Variants in USHBP1 observed in about 807,000 individuals in gnomAD.
USHBP1 encodes USH1 protein network component harmonin binding protein 1, also known as harmonin-binding protein USHBP1.
A neutral mutation model predicts 76.2 loss-of-function variants in USHBP1; 67 were observed. The observed-to-expected ratio is 0.88, with a 90% confidence interval of 0.72 to 1.08. USHBP1 has a LOEUF of 1.08. Ranked by LOEUF, USHBP1 falls within the 50% of genes least tolerant of loss-of-function variation. The pLI, the probability that USHBP1 is intolerant of heterozygous loss-of-function variation, is 0.00. For missense variants in USHBP1, 931 were observed against 915.0 expected (o/e 1.02, Z -0.23); for synonymous variants, 322 against 362.2 (o/e 0.89, Z 1.26).
At chr19:17,252,077 A>G (rs998051272) in intron 10 of USHBP1, 60 bp from the exon 11 acceptor site, 3 of 1,487,054 alleles carry the variant, frequency 2.0e-6, no homozygotes, top group Non-Finnish European at 2.7e-6. Context: ...TGCTTGGCCC[A>G]CACTGGACAT....
intron 5 of USHBP1, 48 bp downstream of exon 5, chr19:17,259,849 T>C (rs917955888): frequency 1.3e-6 from 2 of 1,594,410 alleles, no homozygotes; most frequent in Admixed American, 1.7e-5. Context: ...CTCATTCCCC[T>C]GAAGGCTAAG....
chr19:17,257,284 G>A (rs2073631853), intron 8 of USHBP1, among the ~76,000 whole-genome samples: 1 of 146,950 alleles, frequency 6.8e-6, no homozygotes, highest in African/African-American at 2.5e-5. Context: ...GCCCACCTCG[G>A]CCTCCCAAAG....
At chr19:17,259,874 G>A (rs1390308493) in intron 5 of USHBP1, 23 bp downstream of exon 5, 1 of 1,606,904 alleles carries the variant, frequency 6.2e-7, no homozygotes, top group African/African-American at 1.3e-5. Flanking sequence ...TCAAGACCAT[G>A]GGATTGAACT....
At position 17,255,595 on chromosome 19, in the gene USHBP1, C is replaced by T. The variant is rs370247799; in HGVS notation, c.1482G>A (p.Ala494=). The part of the protein sequence containing the change: ...QDLVAAREAL[A]DLMLRLQLVR... ...CCAGCTGCAGCCGAAGCATCAGGTC[C>T]GCCAGGGCCTCCTGTGGGACCAAGG... The change falls in exon 10 of 13, where the codon GCG becomes GCA. Residue 494 remains alanine (A), a synonymous_variant. Coordinates refer to ENST00000252597, the MANE Select transcript of USHBP1 (RefSeq NM_031941.4). 2.2e-4 allele frequency: 347 copies of T among 1,610,648 alleles called. No homozygotes were observed. Among genetic ancestry groups the T allele is most frequent in the Non-Finnish European group, 2.6e-4 (309 of 1,178,226 alleles).
chr19:17,257,265 T>C, intron 8 of USHBP1, among the ~76,000 whole-genome samples: 1 of 147,320 alleles, frequency 6.8e-6, no homozygotes, highest in African/African-American at 2.5e-5. Flanking sequence ...TCTCCTGACC[T>C]TGTGATCTGC....
intron 9 of USHBP1, 29 bp from the exon 10 acceptor site, chr19:17,255,635 T>A (rs748404538): frequency 6.3e-7 from 1 of 1,575,874 alleles, no homozygotes; most frequent in South Asian, 1.1e-5. Flanking sequence ...GGGAGAGAAT[T>A]TATGCTTCTA....
At position 17,262,771 on chromosome 19, in the gene USHBP1, G is replaced by C. The variant is rs768598730; in HGVS notation, c.423C>G (p.Pro141=). 8 of 1,614,130 alleles carry C rather than the reference G, an allele frequency of 5.0e-6. No individual in the cohort carries two copies. Among genetic ancestry groups the C allele is most frequent in the South Asian group, 2.2e-5 (2 of 91,086 alleles). The change falls in exon 4 of 13, where the codon CCC becomes CCG. Residue 141 remains proline, a synonymous_variant. Transcript: ENST00000252597. The stretch of plus-strand genomic sequence containing the variant: ...CGAACTCCATCGGCCCAGAATGGCT[G>C]GGGGGCTGGTGGCGCCAGGCTGCAG... ...AAAAAWRHQP[P]SHSGPMEFEG... is the part of the protein sequence containing the mutation.
At chr19:17,258,424 C>A in intron 7 of USHBP1, 39 bp from the exon 8 acceptor site, 1 of 1,590,672 alleles carries the variant, frequency 6.3e-7, no homozygotes, top group Non-Finnish European at 8.6e-7. Context: ...GGACACTCAG[C>A]TCGGCTGGGT....
Position 17,251,682 on chromosome 19 carries a change from G to A in USHBP1, c.1822C>T (p.Leu608=). Residue 608 remains leucine, a synonymous_variant, in exon 12 of 13, where the codon CTG becomes TTG. Coordinates refer to ENST00000252597, the MANE Select transcript of USHBP1 (RefSeq NM_031941.4). ...TCCAGCTCCCTGCGCAGAGACTGCAGCTGCTCCTGCAGGTCCAGTGTCCTG... is the reference window on the plus strand; with the variant it reads ...TCCAGCTCCCTGCGCAGAGACTGCAACTGCTCCTGCAGGTCCAGTGTCCTG... ...LTRTLDLQEQ[L]QSLRRELEQV... 2 of 1,613,604 alleles carry A rather than the reference G, an allele frequency of 1.2e-6. No homozygotes were observed. The highest frequency in any genetic ancestry group is 1.7e-6 in the Non-Finnish European group (2 of 1,180,012).
chr19:17,255,351 T>C (rs1330853828), intron 10 of USHBP1, 34 bp downstream of exon 10: 3 of 1,590,970 alleles, frequency 1.9e-6, no homozygotes, highest in Middle Eastern at 1.7e-4. Context: ...ATTAGTAAGC[T>C]ACTCCCCTAC....
Position 17,264,250 on chromosome 19 carries a change from G to A in USHBP1, c.50C>T (p.Pro17Leu), listed in dbSNP as rs753742151. The change falls in exon 2 of 13, where the codon CCA (proline) becomes CTA (leucine). Residue 17 changes from proline to leucine, a missense_variant. Transcript: ENST00000252597. ...AGGGGAGAGGGTGACACTTACGGGT[G>A]GAGCATGCCTCCCTCGCCGGCTTCG... ...RPRSRRGRHA[P>L]PGELDPVAES... 4.3e-6 allele frequency: 7 copies of A among 1,613,808 alleles called. No individual in the cohort carries two copies. In the South Asian group the frequency reaches 5.5e-5, roughly 13 times the overall value.
Position 17,259,992 on chromosome 19 carries a change from G to A in USHBP1, c.673C>T (p.Leu225=). The A allele has an allele frequency of 6.2e-7, 1 of 1,613,890 alleles. No individual in the cohort carries two copies. The highest frequency in any genetic ancestry group is 1.1e-5 in the South Asian group (1 of 91,080). The change falls in exon 5 of 13, where the codon CTG becomes TTG. Residue 225 remains leucine (L), a synonymous_variant. Transcript: ENST00000252597. ...VQELQDSLLR[L]EPCPHLSHNQ... ...TGGGAAAGATGTGGGCAGGGCTCCA[G>A]CCTCAAGAGGGAATCCTGCAGCTCT...
At chr19:17,258,827 T>G (rs1010223711) in intron 7 of USHBP1, 1 of 246,212 alleles carries the variant, frequency 4.1e-6, no homozygotes, top group African/African-American at 2.3e-5. Flanking sequence ...CCCTCAGCTC[T>G]GGAAGCATGC....
In USHBP1 at chr19:17,251,897, A is replaced by T. The variant is rs760684536; in HGVS notation, c.1799+14T>A. On this transcript the variant is annotated intron_variant, in intron 11 of 12. Coordinates refer to ENST00000252597, the MANE Select transcript of USHBP1 (RefSeq NM_031941.4). ...CTGCCCACCCCCCGCACAGCCCAGG[A>T]CCCAGGCACACACCTGGTGAGCGAT... 1.3e-6 allele frequency: 2 copies of T among 1,535,332 alleles called. No individual in the cohort carries two copies. The highest frequency in any genetic ancestry group is 4.0e-5 in the Admixed American group (2 of 50,458).
At chr19:17,259,466 C>G (rs746859238) in intron 6 of USHBP1, 37 bp from the exon 7 acceptor site, 55 of 1,611,576 alleles carry the variant, frequency 3.4e-5, no homozygotes, top group Non-Finnish European at 4.2e-5. Flanking sequence ...AAGTCAGAGG[C>G]CTTCTAAGGC....
intron 4 of USHBP1, among the ~76,000 whole-genome samples, chr19:17,261,337 C>CTTTTT (rs34111538): frequency 2.4e-5 from 3 of 123,928 alleles, no homozygotes; most frequent in East Asian, 2.3e-4. Context: ...TTCTTTCTTT[C>CTTTTT]TTTTTTTTTT....
At chr19:17,250,500 G>A (rs2073537260) in intron 12 of USHBP1, 86 bp from the exon 13 acceptor site, 3 of 1,466,472 alleles carry the variant, frequency 2.0e-6, no homozygotes, top group Non-Finnish European at 2.8e-6. Flanking sequence ...CAGAATGGGG[G>A]CTCTTTCACA....
chr19:17,258,320 T>C lies in USHBP1; in HGVS notation c.1112A>G (p.Asp371Gly). The C allele has an allele frequency of 6.2e-7, 1 of 1,614,004 alleles. No individual in the cohort carries two copies. The highest frequency in any genetic ancestry group is 8.5e-7 in the Non-Finnish European group (1 of 1,180,008). Residue 371 changes from aspartate (D) to glycine (G), a missense_variant, in exon 8 of 13, where the codon GAC (aspartate) becomes GGC (glycine). Asp to Gly is a moderately conservative substitution (Grantham distance 94). Coordinates refer to ENST00000252597, the MANE Select transcript of USHBP1 (RefSeq NM_031941.4). The stretch of plus-strand genomic sequence containing the variant: ...TTGCAGGTCACTCATGGGGGCTTCG[T>C]CTCCTGCTCCTGAGTCGGCCTCCCG... Reference protein sequence around the residue: ...ALREADSGAGDEAPMSDLQAA... With the variant: ...ALREADSGAGGEAPMSDLQAA...
chr19:17,262,684 C>CGAG lies in USHBP1; in HGVS notation c.509_510insCTC (p.Gln170delinsHisSer). 6.2e-7 allele frequency: 1 copy of CGAG among 1,614,162 alleles called. No individual in the cohort carries two copies. ...TCTCGGCCAGGCGAGCTGCCTCTCGCTGGCAGCTCCCTGCCCCTTCCTGCT... is the reference window on the plus strand; with the variant it reads ...TCTCGGCCAGGCGAGCTGCCTCTCGCGAGTGGCAGCTCCCTGCCCCTTCCTGCT... On this transcript the variant is annotated protein_altering_variant, in exon 4 of 13. Transcript: ENST00000252597.
Sources: allele counts gnomAD v4.1 joint callset (sites outside exome capture counted in the v4.1 genomes callset), GRCh38; gene constraint gnomAD v4.1.1; transcripts MANE v1.5; gene names NCBI Gene and HGNC (gene_info 2026-07-23, HGNC 2026-07-21).